Variants in PASD1 observed in about 807,000 individuals in gnomAD.
PASD1 encodes the protein PAS domain containing repressor 1.
PASD1 carries 13 observed loss-of-function variants against 58.8 expected under a neutral mutation model. That is an observed-to-expected ratio of 0.22 (90% CI 0.14 to 0.35). PASD1 has a LOEUF of 0.35. Ranked by LOEUF, PASD1 falls within the 10% of genes least tolerant of loss-of-function variation. The probability of loss-of-function intolerance (pLI) is 1.00; values close to 1 mark genes in which losing one functional copy is unlikely to be tolerated. For missense variants in PASD1, 734 were observed against 568.3 expected, an observed-to-expected ratio of 1.29 and a Z score of -2.96; for synonymous variants, 236 against 216.7, an observed-to-expected ratio of 1.09 and a Z score of -0.78.
Position 151,620,972 on chromosome X carries a change from G to T in PASD1, c.250G>T (p.Glu84Ter), listed in dbSNP as rs974561232. 8 of 1,208,483 alleles carry T rather than the reference G, an allele frequency of 6.6e-6. No individual in the cohort carries two copies. Among genetic ancestry groups the T allele is most frequent in the Non-Finnish European group, 7.8e-6 (7 of 893,498 alleles). Reference sequence around the variant, plus strand: ...AAAATTATTAAGCCTTCTGCCTGATGAAGAGAAAGATGAAGTCTACCAAAA... The same window carrying T: ...AAAATTATTAAGCCTTCTGCCTGATTAAGAGAAAGATGAAGTCTACCAAAA... ...GKKLLSLLPD[E>*]EKDEVYQKII... is the part of the protein sequence containing the mutation. Residue 84 changes from glutamate (E) to a stop codon, truncating the protein, a stop_gained, in exon 5 of 16, where the codon GAA becomes TAA. Transcript: ENST00000370357. LOFTEE classifies it high-confidence loss of function.
chrX:151,565,402 C>T (rs1486546252), intron 1 of PASD1, among the ~76,000 whole-genome samples: 1 of 111,333 alleles, frequency 9.0e-6, no homozygotes, highest in East Asian at 2.8e-4. Flanking sequence ...CCTAGCACTT[C>T]CTTAGGAGAG....
chrX:151,652,532 C>CAAAA (rs68106404), intron 9 of PASD1, among the ~76,000 whole-genome samples: 4 of 69,150 alleles, frequency 5.8e-5, no homozygotes, highest in Non-Finnish European at 1.2e-4. Flanking sequence ...GACTCCGTCT[C>CAAAA]AAAAAAAAAA....
chrX:151,619,659 G>T (rs188277387), intron 4 of PASD1, among the ~76,000 whole-genome samples: 16 of 111,530 alleles, frequency 1.4e-4, no homozygotes, highest in Non-Finnish European at 2.6e-4. Context: ...TAAGATGAGG[G>T]CTGAGAAGTG....
intron 8 of PASD1, among the ~76,000 whole-genome samples, chrX:151,642,267 G>A (rs1202517348): frequency 9.0e-6 from 1 of 111,513 alleles, no homozygotes; most frequent in Non-Finnish European, 1.9e-5. Flanking sequence ...ACCTGCTCGT[G>A]TTTTTTCAAA....
Position 151,676,022 on chromosome X carries a change from A to AG in PASD1, c.2204dup (p.Pro736ThrfsTer3). 8.3e-7 allele frequency: 1 copy of AG among 1,211,502 alleles called. No individual in the cohort carries two copies. The highest frequency in any genetic ancestry group is 1.7e-5 in the African/African-American group (1 of 57,892). On this transcript the variant is annotated frameshift_variant, in exon 16 of 16. Transcript: ENST00000370357. LOFTEE classifies it low-confidence loss of function (END_TRUNC). ...GTGCAAGTTTCTGAGGTAGGAGTCG[A>AG]GGGACCTCCTGATCCACAGGCTTTC...
In PASD1 at chrX:151,676,210, C is replaced by A; in HGVS notation, c.*67C>A. The A allele has an allele frequency of 9.1e-7, 1 of 1,093,832 alleles. No homozygotes were observed. Among genetic ancestry groups the A allele is most frequent in the Non-Finnish European group, 1.2e-6 (1 of 814,031 alleles). The allele number at this position is 1,093,832 out of a possible 1,213,427, so 90.1% of individuals were successfully genotyped here. A position where few individuals can be genotyped will look rare whatever the true frequency, so the allele number is the denominator to read the frequency against. Reference sequence around the variant, plus strand: ...GGGCAGGCCAATGAGGTCTGCATGGCCAGGGGACCTTCAAGGTGCGTAAAG... The same window carrying A: ...GGGCAGGCCAATGAGGTCTGCATGGACAGGGGACCTTCAAGGTGCGTAAAG... On this transcript the variant is annotated 3_prime_UTR_variant, in exon 16 of 16. Transcript: ENST00000370357.
At chrX:151,588,658 T>G (rs1466570676) in intron 1 of PASD1, among the ~76,000 whole-genome samples, 1 of 111,738 alleles carries the variant, frequency 8.9e-6, no homozygotes, top group Non-Finnish European at 1.9e-5. Context: ...TGCCTGTGAT[T>G]TAGGCAACCC....
intron 1 of PASD1, among the ~76,000 whole-genome samples, chrX:151,564,386 G>A (rs923449647): frequency 2.7e-5 from 3 of 111,832 alleles, no homozygotes; most frequent in Non-Finnish European, 5.6e-5. Flanking sequence ...TTTCAGGGCA[G>A]TAGCGGCTTT....
At chrX:151,655,024 C>A (rs1214191980) in intron 9 of PASD1, among the ~76,000 whole-genome samples, 2 of 109,371 alleles carry the variant, frequency 1.8e-5, no homozygotes, top group African/African-American at 6.6e-5. Flanking sequence ...CCATGACAGG[C>A]CCTGGTGTGT....
chrX:151,596,750 C>G (rs1324138450), intron 1 of PASD1, among the ~76,000 whole-genome samples: 1 of 112,009 alleles, frequency 8.9e-6, no homozygotes, highest in Non-Finnish European at 1.9e-5. Context: ...ATGAATGCAA[C>G]CACTCTTTTT....
chrX:151,635,154 G>A (rs1345078006), intron 8 of PASD1, among the ~76,000 whole-genome samples: 2 of 111,410 alleles, frequency 1.8e-5, no homozygotes, highest in Non-Finnish European at 3.8e-5. Flanking sequence ...AATGTGCCCT[G>A]TCATTCTTTG....
intron 8 of PASD1, among the ~76,000 whole-genome samples, chrX:151,627,450 G>A (rs1216739964): frequency 9.1e-6 from 1 of 109,482 alleles, no homozygotes; most frequent in Non-Finnish European, 1.9e-5. Flanking sequence ...GTGAGGACAT[G>A]CAGTGTTTGG....
chrX:151,620,859 A>T, intron 4 of PASD1, 71 bp from the exon 5 acceptor site: 1 of 640,315 alleles, frequency 1.6e-6, no homozygotes, highest in Non-Finnish European at 2.4e-6. Context: ...GTATTAACAC[A>T]GATAAAAAAG....
At position 151,613,584 on chromosome X, in the gene PASD1, C is replaced by T. The variant is rs144183727; in HGVS notation, c.207+1831C>T. ...TATTTTATTCACTTTGAAGCAATTG[C>T]GAATGGGAGTTCACTCATGATTTGG... On this transcript the variant is annotated intron_variant, in intron 4 of 15. Transcript: ENST00000370357. Among the ~76,000 whole-genome samples, 1,073 of 110,912 alleles carry T rather than the reference C, an allele frequency of 9.7e-3. 18 individuals carry two copies. The highest frequency in any genetic ancestry group is 0.033 in the African/African-American group (996 of 30,361).
At chrX:151,674,326 T>A in intron 15 of PASD1, 140 bp downstream of exon 15, 6 of 827,595 alleles carry the variant, frequency 7.2e-6, no homozygotes, top group Non-Finnish European at 6.8e-6. Flanking sequence ...CGGCAGTTAG[T>A]CACATGATGG....
In PASD1 at chrX:151,659,728, G is replaced by A; in HGVS notation, c.733G>A (p.Ala245Thr). The A allele has an allele frequency of 1.7e-6, 2 of 1,202,711 alleles. 1 individual carries two copies. ...AAATGTACAGGACCAAATTGATATTGCAGAGGTTGAGCAGTATGGACCACA... is the reference window on the plus strand; with the variant it reads ...AAATGTACAGGACCAAATTGATATTACAGAGGTTGAGCAGTATGGACCACA... ...AAISDDQIDI[A>T]EVEQYGPQEN... Residue 245 changes from alanine to threonine, a missense_variant, in exon 10 of 16, where the codon GCA becomes ACA. By Grantham distance (58) the Ala-to-Thr change is moderately conservative (BLOSUM62 0). Transcript: ENST00000370357.
At chrX:151,581,820 G>T (rs928680628) in intron 1 of PASD1, among the ~76,000 whole-genome samples, 4 of 109,702 alleles carry the variant, frequency 3.6e-5, no homozygotes, top group Admixed American at 2.9e-4. Context: ...GCCATGAACA[G>T]CCAGCTCTGT....
intron 9 of PASD1, among the ~76,000 whole-genome samples, chrX:151,653,866 C>CTTTCTTTCTTT (rs2014191715): frequency 6.0e-5 from 2 of 33,291 alleles, no homozygotes; most frequent in African/African-American, 1.8e-4. Context: ...CTCCCTCCCT[C>CTTTCTTTCTTT]CCTCTTTCTT....
At chrX:151,639,232 C>T (rs1381241556) in intron 8 of PASD1, among the ~76,000 whole-genome samples, 1 of 112,166 alleles carries the variant, frequency 8.9e-6, no homozygotes, top group African/African-American at 3.2e-5. Flanking sequence ...ATATTGGTTC[C>T]CCTAAGTTTA....
Sources: gnomAD v4.1 joint callset for allele counts (sites outside exome capture counted in the v4.1 genomes callset) on GRCh38, gnomAD v4.1.1 for gene constraint, MANE v1.5 for transcripts, NCBI Gene and HGNC (gene_info 2026-07-23, HGNC 2026-07-21) for gene names.